The following STIM2 variants were observed in gnomAD, a reference collection of about 807,000 sequenced individuals.
STIM2 encodes stromal interaction molecule 2.
Under a neutral mutation model 85.8 loss-of-function variants are expected in STIM2, and 31 were observed. That is an observed-to-expected ratio of 0.36 (90% CI 0.27 to 0.49). STIM2 has a LOEUF of 0.49. Among genes scored for constraint, STIM2 ranks in the 20% least tolerant of loss-of-function variants. The pLI is 0.98. For missense variants in STIM2, 841 were observed against 927.6 expected (o/e 0.91, Z 1.21); for synonymous variants, 356 against 331.1 (o/e 1.08, Z -0.82).
chr4:26,943,929 C>G (rs1725717240), intron 2 of STIM2, among the ~76,000 whole-genome samples: 1 of 152,086 alleles, frequency 6.6e-6, no homozygotes, highest in East Asian at 1.9e-4. Flanking sequence ...GTGTAATTAC[C>G]AAAAACAGTT....
intron 1 of STIM2, among the ~76,000 whole-genome samples, chr4:26,907,160 T>C (rs1355599281): frequency 6.6e-6 from 1 of 152,174 alleles, no homozygotes; most frequent in Non-Finnish European, 1.5e-5. Context: ...ATGTATTAAT[T>C]AAATTATTTC....
intron 1 of STIM2, among the ~76,000 whole-genome samples, chr4:26,883,068 C>T (rs557960399): frequency 8.8e-5 from 13 of 148,526 alleles, no homozygotes; most frequent in South Asian, 6.4e-4. Context: ...AGGCTTGTCT[C>T]GAACTCCTGA....
At chr4:27,013,517 C>G (rs1179080768) in intron 10 of STIM2, among the ~76,000 whole-genome samples, 1 of 151,900 alleles carries the variant, frequency 6.6e-6, no homozygotes, top group Non-Finnish European at 1.5e-5. Flanking sequence ...CCATTCTTTT[C>G]TACTTTTAGA....
rs190761654 is a variant in STIM2, at chr4:26,960,625, A to T, written c.397+2899A>T. Among the ~76,000 whole-genome samples, 413 of 152,344 alleles carry T rather than the reference A, an allele frequency of 2.7e-3. 2 individuals are homozygous for T. The highest frequency in any genetic ancestry group is 0.01 in the Middle Eastern group (3 of 294). Reference sequence around the variant, plus strand: ...TGTTTTGAGTACAGGCATTTCTGTTATTAGACATTATGTGCATTTCTTAAA... The same window carrying T: ...TGTTTTGAGTACAGGCATTTCTGTTTTTAGACATTATGTGCATTTCTTAAA... On this transcript the variant is annotated intron_variant, in intron 3 of 11. Coordinates refer to ENST00000467087, the MANE Select transcript of STIM2 (RefSeq NM_020860.4).
At chr4:26,878,212 C>T (rs1180289280) in intron 1 of STIM2, among the ~76,000 whole-genome samples, 4 of 152,050 alleles carry the variant, frequency 2.6e-5, no homozygotes, top group Non-Finnish European at 4.4e-5. Flanking sequence ...TCTTGGTTTT[C>T]CTGGTCTACC....
intron 1 of STIM2, among the ~76,000 whole-genome samples, chr4:26,875,389 G>A (rs192768675): frequency 4.7e-4 from 71 of 152,200 alleles, no homozygotes; most frequent in Non-Finnish European, 6.9e-4. Context: ...CTTTTATAGT[G>A]TACTAAAAAT....
chr4:26,915,150 C>T lies in STIM2; in HGVS notation c.152-4354C>T, dbSNP rs148881862. On this transcript the variant is annotated intron_variant, in intron 1 of 11. Coordinates refer to ENST00000467087, the MANE Select transcript of STIM2 (RefSeq NM_020860.4). ...AAATAGAGATATTATCTGCCCCATA[C>T]AGGGTTGCAGGGAATAAATTATGAA... 5.1e-4 allele frequency among the ~76,000 whole-genome samples: 77 copies of T among 152,264 alleles called. 2 individuals carry two copies. In the East Asian group the frequency reaches 0.013, roughly 26 times the overall value.
At chr4:26,882,558 A>G (rs1035313018) in intron 1 of STIM2, among the ~76,000 whole-genome samples, 1 of 151,744 alleles carries the variant, frequency 6.6e-6, no homozygotes, top group African/African-American at 2.4e-5. Flanking sequence ...CCCAGGCTCA[A>G]GTGATCCTCC....
chr4:26,945,526 A>G (rs1436405722), intron 2 of STIM2, among the ~76,000 whole-genome samples: 1 of 152,188 alleles, frequency 6.6e-6, no homozygotes, highest in Non-Finnish European at 1.5e-5. Context: ...GAATGGCCAC[A>G]CTGTCTTCCA....
At chr4:26,867,731 T>C (rs1307238824) in intron 1 of STIM2, among the ~76,000 whole-genome samples, 1 of 152,266 alleles carries the variant, frequency 6.6e-6, no homozygotes, top group African/African-American at 2.4e-5. Context: ...GTTCTTTAGC[T>C]ATCTAGATCT....
chr4:26,988,958 G>A (rs542091330), intron 3 of STIM2, among the ~76,000 whole-genome samples: 11 of 152,186 alleles, frequency 7.2e-5, no homozygotes, highest in Admixed American at 5.2e-4. Flanking sequence ...AGTGGGGGAC[G>A]GAGTCTCACT....
intron 3 of STIM2, among the ~76,000 whole-genome samples, chr4:26,989,226 C>T (rs886923774): frequency 6.6e-6 from 1 of 152,176 alleles, no homozygotes; most frequent in Non-Finnish European, 1.5e-5. Context: ...TGAGCCACCA[C>T]ACACGGCCCA....
At chr4:26,960,689 A>C (rs181627232) in intron 3 of STIM2, among the ~76,000 whole-genome samples, 48 of 152,336 alleles carry the variant, frequency 3.2e-4, no homozygotes, top group African/African-American at 1.1e-3. Flanking sequence ...TAAAAATGAC[A>C]GTTTATGGGA....
intron 3 of STIM2, among the ~76,000 whole-genome samples, chr4:26,973,273 T>G (rs1313545704): frequency 6.6e-6 from 1 of 152,214 alleles, no homozygotes; most frequent in Non-Finnish European, 1.5e-5. Context: ...TTTCTTGCCT[T>G]CTGCTAGCTT....
rs569001851 is a variant in STIM2, at chr4:26,893,201, A to C, written c.152-26303A>C. Among the ~76,000 whole-genome samples the C allele has an allele frequency of 2.0e-4, 30 of 152,306 alleles. 1 individual carries two copies. In the South Asian group the frequency reaches 6.2e-3, roughly 32 times the overall value. ...CTAATGAATAATAAAGGGAACCATT[A>C]AACCACCTTCAGGTCATGAAATAGA... On this transcript the variant is annotated intron_variant, in intron 1 of 11. Coordinates refer to ENST00000467087, the MANE Select transcript of STIM2 (RefSeq NM_020860.4).
chr4:26,898,520 G>T (rs964181361), intron 1 of STIM2, among the ~76,000 whole-genome samples: 5 of 152,164 alleles, frequency 3.3e-5, no homozygotes, highest in African/African-American at 7.2e-5. Flanking sequence ...CACTATTGAT[G>T]ATTGTTGCCT....
In STIM2 at chr4:27,002,984, G is replaced by A. The variant is rs774422789; in HGVS notation, c.861G>A (p.Glu287=). Residue 287 remains glutamate, a synonymous_variant, in exon 7 of 12, where the codon GAG becomes GAA. Transcript: ENST00000467087. ...TTGCTGTAGAAAAGCAAAATTTAGAGCGCAAAATGATGGATGAAATCAATT... is the reference window on the plus strand; with the variant it reads ...TTGCTGTAGAAAAGCAAAATTTAGAACGCAAAATGATGGATGAAATCAATT... The A allele has an allele frequency of 6.2e-7, 1 of 1,601,722 alleles. No individual in the cohort carries two copies.
At chr4:26,896,138 C>T (rs1210994192) in intron 1 of STIM2, among the ~76,000 whole-genome samples, 2 of 152,164 alleles carry the variant, frequency 1.3e-5, no homozygotes, top group Non-Finnish European at 2.9e-5. Context: ...ACTTGTTGCT[C>T]CTAGGAATAG....
In STIM2 at chr4:26,916,678, G is replaced by T. The variant is rs531227225; in HGVS notation, c.152-2826G>T. Among the ~76,000 whole-genome samples the T allele has an allele frequency of 7.2e-5, 11 of 151,866 alleles. No homozygotes were observed. In the East Asian group the frequency reaches 1.9e-3, roughly 27 times the overall value. ...GTCTCTACCTGATCTTCTTTTTTCTGTATGTTGGTATCTTTGTACTACAGA... is the reference window on the plus strand; with the variant it reads ...GTCTCTACCTGATCTTCTTTTTTCTTTATGTTGGTATCTTTGTACTACAGA... On this transcript the variant is annotated intron_variant, in intron 1 of 11. Coordinates refer to ENST00000467087, the MANE Select transcript of STIM2 (RefSeq NM_020860.4).
Sources: gnomAD v4.1 joint callset for allele counts (sites outside exome capture counted in the v4.1 genomes callset) on GRCh38, gnomAD v4.1.1 for gene constraint, MANE v1.5 for transcripts, NCBI Gene and HGNC (gene_info 2026-07-23, HGNC 2026-07-21) for gene names.